The following SORCS2 variants were observed in gnomAD, a reference collection of about 807,000 sequenced individuals.
The protein encoded by SORCS2 is VPS10 domain-containing receptor SorCS2.
In SORCS2, 100 loss-of-function variants were observed where a neutral mutation model predicts 141.6. The observed-to-expected ratio is 0.71, with a 90% confidence interval of 0.60 to 0.83. The LOEUF (loss-of-function observed/expected upper bound fraction) is 0.83, where lower values mean the gene tolerates loss of function less well. Ranked by LOEUF, SORCS2 falls within the 40% of genes least tolerant of loss-of-function variation. SORCS2 has a pLI of 0.00. For synonymous variants in SORCS2, 789 were observed against 676.9 expected (o/e 1.17, Z -2.57); for missense variants, 1,646 against 1,560.2 (o/e 1.05, Z -0.93).
intron 1 of SORCS2, among the ~76,000 whole-genome samples, chr4:7,200,982 C>T (rs1300607722): frequency 6.6e-6 from 1 of 152,206 alleles, no homozygotes; most frequent in East Asian, 1.9e-4. Flanking sequence ...CTCTGTGTGC[C>T]TAGCGCTGTT....
At chr4:7,263,649 A>T (rs921258981) in intron 1 of SORCS2, among the ~76,000 whole-genome samples, 4 of 152,160 alleles carry the variant, frequency 2.6e-5, no homozygotes, top group African/African-American at 9.7e-5. Flanking sequence ...TGCTGCCTGT[A>T]TGTCAAAGTG....
chr4:7,397,510 C>T (rs986176997), intron 2 of SORCS2, among the ~76,000 whole-genome samples: 1 of 152,094 alleles, frequency 6.6e-6, no homozygotes, highest in African/African-American at 2.4e-5. Context: ...CTAATTCCGT[C>T]GTCACCACCA....
Position 7,192,691 on chromosome 4 carries a change from C to T in SORCS2, c.45C>T (p.Pro15=). The T allele has an allele frequency of 1.0e-5, 10 of 989,194 alleles. No homozygotes were observed. The highest frequency in any genetic ancestry group is 1.2e-5 in the Non-Finnish European group (10 of 833,906). 61.3% of individuals were successfully genotyped at this position (989,194 alleles called of 1,614,324 possible). Residue 15 remains proline (P), a synonymous_variant, in exon 1 of 27, where the codon CCC becomes CCT. Transcript: ENST00000507866. This position sits in a 1 kb window ranked among gnomAD's most constrained non-coding sequence, Gnocchi z 4.0. ...GPSRASKGPG[P]TARAPSPGAP... ...CGCGCGCCTCGAAGGGCCCCGGCCC[C>T]ACCGCCCGAGCCCCGAGCCCCGGGG...
chr4:7,454,534 T>C (rs1371182511), intron 2 of SORCS2, among the ~76,000 whole-genome samples: 1 of 104,302 alleles, frequency 9.6e-6, no homozygotes, highest in Admixed American at 9.9e-5. Flanking sequence ...TGGGGTCAGC[T>C]GCTGTGTTGG....
chr4:7,284,412 G>C (rs1362792450), intron 1 of SORCS2, among the ~76,000 whole-genome samples: 6 of 152,178 alleles, frequency 3.9e-5, no homozygotes, highest in African/African-American at 1.4e-4. Context: ...AGCAAGCTGT[G>C]CACAGCCTTC....
intron 1 of SORCS2, among the ~76,000 whole-genome samples, chr4:7,208,485 CTG>C (rs1727873070): frequency 1.3e-5 from 2 of 152,194 alleles, no homozygotes; most frequent in African/African-American, 4.8e-5. Flanking sequence ...GTGTGCCAGA[CTG>C]TGTGCTAGGC....
intron 12 of SORCS2, among the ~76,000 whole-genome samples, chr4:7,700,015 G>C (rs562232775): frequency 6.6e-6 from 1 of 152,324 alleles, no homozygotes; most frequent in East Asian, 1.9e-4. Flanking sequence ...CGGCCTCCAA[G>C]CTGCTCATCT....
intron 2 of SORCS2, among the ~76,000 whole-genome samples, chr4:7,520,385 C>T (rs1402936912): frequency 1.3e-5 from 2 of 152,154 alleles, no homozygotes; most frequent in African/African-American, 2.4e-5. Flanking sequence ...GCTGGTTTTC[C>T]GTGGGTCAGG....
chr4:7,738,415 A>T (rs1712372911), intron 26 of SORCS2, among the ~76,000 whole-genome samples: 1 of 152,212 alleles, frequency 6.6e-6, no homozygotes, highest in Admixed American at 6.5e-5. Flanking sequence ...GCCCAAGGTC[A>T]CAGCTGGTGG....
intron 4 of SORCS2, among the ~76,000 whole-genome samples, chr4:7,646,543 C>G (rs141245448): frequency 6.6e-6 from 1 of 151,982 alleles, no homozygotes; most frequent in Admixed American, 6.5e-5. Flanking sequence ...GCAGGAGGAT[C>G]GATTGAGCCC....
chr4:7,499,022 G>A lies in SORCS2; in HGVS notation c.549-32508G>A, dbSNP rs548764419. Among the ~76,000 whole-genome samples, 19 of 152,354 alleles carry A rather than the reference G, an allele frequency of 1.2e-4. No homozygotes were observed. In the South Asian group the frequency reaches 1.7e-3, roughly 13 times the overall value. On this transcript the variant is annotated intron_variant, in intron 2 of 26. Coordinates refer to ENST00000507866, the MANE Select transcript of SORCS2 (RefSeq NM_020777.3). The stretch of plus-strand genomic sequence containing the variant: ...GGGCAGGGGGCAGCACCGTGGAGAC[G>A]GGAGGGACACGGCACAGGGTGCATG...
chr4:7,318,596 G>C (rs9291134), intron 1 of SORCS2, among the ~76,000 whole-genome samples: 13,816 of 152,228 alleles, frequency 0.091, 1,446 homozygotes, highest in African/African-American at 0.25. Flanking sequence ...TATGTTGGGA[G>C]AAAGATTAAA....
chr4:7,277,735 C>T (rs1015625785), intron 1 of SORCS2, among the ~76,000 whole-genome samples: 1 of 152,186 alleles, frequency 6.6e-6, no homozygotes, highest in Non-Finnish European at 1.5e-5. Context: ...CTGGAGGGCC[C>T]ATCCTGGGAT....
intron 3 of SORCS2, among the ~76,000 whole-genome samples, chr4:7,544,254 C>T (rs987232389): frequency 6.6e-5 from 10 of 152,218 alleles, no homozygotes; most frequent in African/African-American, 2.4e-4. Flanking sequence ...AATATCTATC[C>T]CATGGCCATC....
intron 2 of SORCS2, among the ~76,000 whole-genome samples, chr4:7,402,929 G>C (rs4689730): frequency 0.59 from 89,554 of 151,460 alleles, 26,601 homozygotes; most frequent in Middle Eastern, 0.67. Flanking sequence ...TTCTTGACCC[G>C]TACCTCTCTA....
At chr4:7,239,181 C>T (rs139134070) in intron 1 of SORCS2, among the ~76,000 whole-genome samples, 363 of 152,368 alleles carry the variant, frequency 2.4e-3, no homozygotes, top group African/African-American at 7.6e-3. Flanking sequence ...CAGAAGGTTC[C>T]TTTGTGCCCA....
At chr4:7,543,786 A>ATCTG (rs1252206386) in intron 3 of SORCS2, among the ~76,000 whole-genome samples, 1 of 32,960 alleles carries the variant, frequency 3.0e-5, no homozygotes. Context: ...CCATCCACTC[A>ATCTG]TCCATCCATC....
intron 1 of SORCS2, among the ~76,000 whole-genome samples, chr4:7,245,273 C>T (rs1452495172): frequency 6.6e-6 from 1 of 152,184 alleles, no homozygotes; most frequent in Non-Finnish European, 1.5e-5. Flanking sequence ...CAGTGGTCCA[C>T]CCCCCACCCC....
At chr4:7,210,950 C>T (rs13129481) in intron 1 of SORCS2, among the ~76,000 whole-genome samples, 2 of 152,020 alleles carry the variant, frequency 1.3e-5, no homozygotes, top group African/African-American at 4.8e-5. Flanking sequence ...CCACAGGGCT[C>T]TTCTGGGAGT....
Sources: gnomAD v4.1 joint callset for allele counts (sites outside exome capture counted in the v4.1 genomes callset) on GRCh38, gnomAD v4.1.1 for gene constraint, Gnocchi (gnomAD v3.1) non-coding constraint, MANE v1.5 for transcripts, NCBI Gene and HGNC (gene_info 2026-07-23, HGNC 2026-07-21) for gene names.